IL1RAPL1: variants seen among roughly 807,000 people sequenced by gnomAD.
IL1RAPL1 encodes interleukin 1 receptor accessory protein like 1.
A neutral mutation model predicts 48.4 loss-of-function variants in IL1RAPL1; 3 were observed. The observed-to-expected ratio is 0.06, with a 90% CI of 0.03 to 0.16. The LOEUF is 0.16. Ranked by LOEUF, IL1RAPL1 falls within the 10% of genes least tolerant of loss-of-function variation. The probability of loss-of-function intolerance (pLI) is 1.00; values close to 1 mark genes in which losing one functional copy is unlikely to be tolerated. For missense variants in IL1RAPL1, 349 were observed against 530.6 expected (o/e 0.66, Z 3.36); for synonymous variants, 185 against 187.7 (o/e 0.99, Z 0.12).
At chrX:29,127,962 TA>T (rs386416814) in intron 2 of IL1RAPL1, among the ~76,000 whole-genome samples, 199 of 93,167 alleles carry the variant, frequency 2.1e-3, no homozygotes, top group Admixed American at 4.3e-3. Flanking sequence ...AGACTCGATC[TA>T]AAAAAAAAAA....
At chrX:29,528,365 C>G (rs1436906015) in intron 5 of IL1RAPL1, among the ~76,000 whole-genome samples, 1 of 112,350 alleles carries the variant, frequency 8.9e-6, no homozygotes, top group East Asian at 2.8e-4. Context: ...TGAGTAATTT[C>G]TAAGTGAAAG....
intron 2 of IL1RAPL1, among the ~76,000 whole-genome samples, chrX:28,837,732 C>G (rs1281586968): frequency 1.2e-5 from 1 of 86,518 alleles, no homozygotes; most frequent in Non-Finnish European, 2.2e-5. Context: ...ATTACCAGGC[C>G]TCTGGTTTAC....
At chrX:29,621,305 C>T (rs1025226532) in intron 5 of IL1RAPL1, among the ~76,000 whole-genome samples, 1 of 110,553 alleles carries the variant, frequency 9.0e-6, no homozygotes, top group Non-Finnish European at 1.9e-5. Flanking sequence ...TATATGCATA[C>T]AAAACATACA....
At chrX:29,372,790 T>G (rs1216063004) in intron 3 of IL1RAPL1, among the ~76,000 whole-genome samples, 4 of 101,629 alleles carry the variant, frequency 3.9e-5, no homozygotes, top group African/African-American at 1.4e-4. Flanking sequence ...TTTTTTTTTT[T>G]TTTTTTGTAC....
chrX:29,927,888 A>G (rs779263444), intron 8 of IL1RAPL1, among the ~76,000 whole-genome samples: 1 of 84,030 alleles, frequency 1.2e-5, no homozygotes, highest in Non-Finnish European at 2.2e-5. Context: ...CTTCAAAAGC[A>G]GGAGGGAGGG....
chrX:29,112,087 G>A (rs1287690807), intron 2 of IL1RAPL1, among the ~76,000 whole-genome samples: 6 of 108,465 alleles, frequency 5.5e-5, no homozygotes, highest in Non-Finnish European at 7.7e-5. Flanking sequence ...GCACCACCAC[G>A]CCCGGCTAAT....
chrX:29,217,581 G>A (rs755477391), intron 2 of IL1RAPL1, among the ~76,000 whole-genome samples: 1 of 111,368 alleles, frequency 9.0e-6, no homozygotes, highest in African/African-American at 3.3e-5. Flanking sequence ...TAGCTGCCAG[G>A]TATTTATCTT....
chrX:29,566,977 G>T (rs929664984), intron 5 of IL1RAPL1, among the ~76,000 whole-genome samples: 2 of 111,372 alleles, frequency 1.8e-5, no homozygotes, highest in African/African-American at 6.5e-5. Context: ...TATAGCTTTT[G>T]AAGCTCCAAC....
chrX:29,368,185 G>A (rs1056560408), intron 3 of IL1RAPL1, among the ~76,000 whole-genome samples: 2 of 111,574 alleles, frequency 1.8e-5, no homozygotes, highest in African/African-American at 6.5e-5. Flanking sequence ...TATTGTGTTA[G>A]GTATTGTAAG....
chrX:29,895,760 T>G (rs1035922462), intron 6 of IL1RAPL1, among the ~76,000 whole-genome samples: 1 of 112,161 alleles, frequency 8.9e-6, no homozygotes, highest in African/African-American at 3.2e-5. Flanking sequence ...CTAATCAAAT[T>G]GCTGACACAT....
At chrX:29,921,347 GAA>G (rs1932846949) in intron 8 of IL1RAPL1, among the ~76,000 whole-genome samples, 1 of 112,132 alleles carries the variant, frequency 8.9e-6, no homozygotes, top group Non-Finnish European at 1.9e-5. Flanking sequence ...GGTTTGAAAA[GAA>G]AGAGAACATT....
intron 5 of IL1RAPL1, among the ~76,000 whole-genome samples, chrX:29,587,040 A>C (rs939498990): frequency 1.9e-4 from 21 of 110,762 alleles, no homozygotes; most frequent in African/African-American, 5.9e-4. Flanking sequence ...TACTCTGGCC[A>C]GGACTTTAAA....
chrX:29,123,947 G>GT (rs59384321), intron 2 of IL1RAPL1, among the ~76,000 whole-genome samples: 24,619 of 110,234 alleles, frequency 0.22, 2,523 homozygotes, highest in African/African-American at 0.39. Context: ...TAAATTTAGG[G>GT]TTTTTTTCAC....
intron 3 of IL1RAPL1, among the ~76,000 whole-genome samples, chrX:29,366,259 C>A (rs754193027): frequency 9.1e-6 from 1 of 110,376 alleles, no homozygotes; most frequent in Non-Finnish European, 1.9e-5. Context: ...TCTAAGGACC[C>A]CTTCTAGGTC....
chrX:29,065,777 T>G (rs1459873120), intron 2 of IL1RAPL1, among the ~76,000 whole-genome samples: 1 of 111,916 alleles, frequency 8.9e-6, no homozygotes, highest in Non-Finnish European at 1.9e-5. Flanking sequence ...GCTGATTCTT[T>G]CTTCTGTCAT....
At chrX:29,263,699 G>A (rs768932306) in intron 2 of IL1RAPL1, among the ~76,000 whole-genome samples, 1 of 111,454 alleles carries the variant, frequency 9.0e-6, no homozygotes, top group East Asian at 2.8e-4. Context: ...TTAGGCTTGG[G>A]ATAGAAAAGG....
chrX:29,083,539 T>C (rs937790246), intron 2 of IL1RAPL1, among the ~76,000 whole-genome samples: 1 of 111,777 alleles, frequency 8.9e-6, no homozygotes, highest in Non-Finnish European at 1.9e-5. Flanking sequence ...CATGCTTTTA[T>C]TCAGCACTCC....
chrX:29,857,382 A>AAAT (rs1168940315), intron 6 of IL1RAPL1, among the ~76,000 whole-genome samples: 1 of 112,019 alleles, frequency 8.9e-6, no homozygotes, highest in Non-Finnish European at 1.9e-5. Flanking sequence ...AGGAACTGCC[A>AAAT]AATAATAATA....
chrX:29,281,050 C>T (rs1932194402), intron 2 of IL1RAPL1, among the ~76,000 whole-genome samples: 1 of 111,424 alleles, frequency 9.0e-6, no homozygotes, highest in South Asian at 3.7e-4. Context: ...ATAATTAATT[C>T]CACGTTATTA....
Sources: gnomAD v4.1 joint callset for allele counts (sites outside exome capture counted in the v4.1 genomes callset) on GRCh38, gnomAD v4.1.1 for gene constraint, MANE v1.5 for transcripts, NCBI Gene and HGNC (gene_info 2026-07-23, HGNC 2026-07-21) for gene names.